The following PCDHGA3 variants were observed in gnomAD, a reference collection of about 807,000 sequenced individuals.
PCDHGA3 encodes the protein protocadherin gamma-A3.
In PCDHGA3, 40 loss-of-function variants were observed where a neutral mutation model predicts 58.5. That is an observed-to-expected ratio of 0.68 (90% CI 0.53 to 0.89). The LOEUF is 0.89. PCDHGA3 is among the 40% of genes least tolerant of loss of function. The probability of loss-of-function intolerance (pLI) is 0.00; values close to 1 mark genes in which losing one functional copy is unlikely to be tolerated. For synonymous variants in PCDHGA3, 530 were observed against 525.7 expected, an observed-to-expected ratio of 1.01 and a Z score of -0.11; for missense variants, 1,223 against 1,195.9, an observed-to-expected ratio of 1.02 and a Z score of -0.33.
intron 1 of PCDHGA3, chr5:141,371,951 C>A: frequency 6.2e-7 from 1 of 1,613,306 alleles, no homozygotes; most frequent in Non-Finnish European, 8.5e-7. Flanking sequence ...CGCAGCGAGC[C>A]TTCGACCACG....
At chr5:141,427,889 G>C in intron 1 of PCDHGA3, 1 of 1,566,516 alleles carries the variant, frequency 6.4e-7, no homozygotes, top group South Asian at 1.1e-5. Flanking sequence ...CCCACGACCA[G>C]GGCTCGCCCG....
At chr5:141,356,510 A>G (rs2149791412) in intron 1 of PCDHGA3, 2 of 1,612,802 alleles carry the variant, frequency 1.2e-6, no homozygotes, top group East Asian at 2.2e-5. Context: ...ACAGAAACTC[A>G]TATTTCACTG....
intron 1 of PCDHGA3, chr5:141,399,510 C>T: frequency 6.2e-7 from 1 of 1,614,040 alleles, no homozygotes; most frequent in Non-Finnish European, 8.5e-7. Context: ...CCGAAAACAA[C>T]CCTCCTGGGG....
chr5:141,354,933 T>A, intron 1 of PCDHGA3: 1 of 419,786 alleles, frequency 2.4e-6, no homozygotes, highest in East Asian at 3.5e-5. Flanking sequence ...AAACTTTTTT[T>A]AACCAAGAAT....
chr5:141,444,897 G>T (rs1445334623), intron 1 of PCDHGA3, among the ~76,000 whole-genome samples: 1 of 152,274 alleles, frequency 6.6e-6, no homozygotes, highest in African/African-American at 2.4e-5. Flanking sequence ...GAATGGGATG[G>T]CATTGCATCT....
At position 141,491,711 on chromosome 5, in the gene PCDHGA3, C is replaced by T. The variant is rs528931820; in HGVS notation, c.2425-3096C>T. 1.5e-5 allele frequency: 24 copies of T among 1,609,240 alleles called. No homozygotes were observed. In the African/African-American group the frequency reaches 1.7e-4, roughly 12 times the overall value. On this transcript the variant is annotated intron_variant, in intron 1 of 3. Transcript: ENST00000253812. This position sits in a 1 kb window ranked among gnomAD's most constrained non-coding sequence, Gnocchi z 6.9. ...CGGGAGCGGAGCCAGGTGAGGGGCT[C>T]GGCGCCGCCCCGGGCGACCCCTGGG... is the stretch of plus-strand genomic sequence containing the variant.
Position 141,352,128 on chromosome 5 carries a change from G to A in PCDHGA3, c.2424+5671G>A, listed in dbSNP as rs369451031. ...CTGGGGTTGCGCACGGGTGAGGTGCGCACAGCGCGTGCCTTGGGCGACAGG... is the reference window on the plus strand; with the variant it reads ...CTGGGGTTGCGCACGGGTGAGGTGCACACAGCGCGTGCCTTGGGCGACAGG... On this transcript the variant is annotated intron_variant, in intron 1 of 3. Transcript: ENST00000253812. The A allele has an allele frequency of 4.3e-5, 69 of 1,610,058 alleles. No homozygotes were observed. The African/African-American group carries it at 7.9e-4, about 18-fold the overall frequency.
At chr5:141,352,195 A>T (rs1010482116) in intron 1 of PCDHGA3, 166 of 1,613,752 alleles carry the variant, frequency 1.0e-4, no homozygotes, top group Non-Finnish European at 1.3e-4. Flanking sequence ...TGCGTGATGG[A>T]GGACAGCCGC....
chr5:141,460,766 A>G (rs1370331016), intron 1 of PCDHGA3, among the ~76,000 whole-genome samples: 1 of 152,056 alleles, frequency 6.6e-6, no homozygotes, highest in Non-Finnish European at 1.5e-5. Flanking sequence ...TACATATTGC[A>G]TATGTATGTA....
At chr5:141,369,894 T>C (rs1766545420) in intron 1 of PCDHGA3, among the ~76,000 whole-genome samples, 1 of 152,332 alleles carries the variant, frequency 6.6e-6, no homozygotes, top group African/African-American at 2.4e-5. Flanking sequence ...GATATTATTA[T>C]GACCATTTTA....
In PCDHGA3 at chr5:141,346,295, C is replaced by A; in HGVS notation, c.2262C>A (p.Ser754=). The change falls in exon 1 of 4, where the codon TCC becomes TCA. Residue 754 remains serine (S), a synonymous_variant. Coordinates refer to ENST00000253812, the MANE Select transcript of PCDHGA3 (RefSeq NM_018916.4). Reference sequence around the variant, plus strand: ...TTCGGGCTTTCCTGCAGACCTATTCCCACGAGGTCTCCCTCACTGCGGACT... The same window carrying A: ...TTCGGGCTTTCCTGCAGACCTATTCACACGAGGTCTCCCTCACTGCGGACT... The part of the protein sequence containing the change: ...DGVRAFLQTY[S]HEVSLTADSR... 6 of 1,614,214 alleles carry A rather than the reference C, an allele frequency of 3.7e-6. No homozygotes were observed. Among genetic ancestry groups the A allele is most frequent in the Non-Finnish European group, 5.1e-6 (6 of 1,180,038 alleles).
At chr5:141,455,959 G>A (rs112864392) in intron 1 of PCDHGA3, among the ~76,000 whole-genome samples, 2 of 150,430 alleles carry the variant, frequency 1.3e-5, no homozygotes. Flanking sequence ...GTGCAGTGGC[G>A]CGATCTCAGC....
At chr5:141,392,577 T>C in intron 1 of PCDHGA3, 1 of 462,996 alleles carries the variant, frequency 2.2e-6, no homozygotes. Context: ...TTTAGGACTG[T>C]AAGCGCCGCT....
chr5:141,375,103 C>G (rs1230243964), intron 1 of PCDHGA3: 1 of 1,613,900 alleles, frequency 6.2e-7, no homozygotes, highest in South Asian at 1.1e-5. Context: ...TCTTGGATGT[C>G]AATGATAATG....
rs774456704 is a variant in PCDHGA3, at chr5:141,390,013, C to T, written c.2424+43556C>T. On this transcript the variant is annotated intron_variant, in intron 1 of 3. Coordinates refer to ENST00000253812, the MANE Select transcript of PCDHGA3 (RefSeq NM_018916.4). ...CTCGTGGCCATGATTCTGGCCATTG[C>T]CTTGCGCCTGCGACGCTCCTCCAGC... 1.3e-4 allele frequency: 202 copies of T among 1,613,936 alleles called. No homozygotes were observed. The highest frequency in any genetic ancestry group is 1.6e-4 in the Non-Finnish European group (192 of 1,179,918).
intron 1 of PCDHGA3, chr5:141,374,270 G>A (rs377535875): frequency 1.2e-6 from 2 of 1,613,872 alleles, no homozygotes; most frequent in African/African-American, 1.3e-5. Context: ...GGCGGAGCAC[G>A]GAGTCCGCAT....
intron 1 of PCDHGA3, chr5:141,365,269 A>T: frequency 6.2e-7 from 1 of 1,614,008 alleles, no homozygotes; most frequent in Non-Finnish European, 8.5e-7. Flanking sequence ...AAGAATCCAG[A>T]TTCTACCTCA....
chr5:141,345,320 C>T lies in PCDHGA3; in HGVS notation c.1287C>T (p.Ser429=). The change falls in exon 1 of 4, where the codon AGC becomes AGT. Residue 429 remains serine (S), a synonymous_variant. Transcript: ENST00000253812. ...NISLRASDGG[S]PPLSTETHIT... ...GTCTGAGAGCCTCAGATGGGGGAAG[C>T]CCGCCACTGTCCACAGAAACTCACA... The T allele has an allele frequency of 6.2e-7, 1 of 1,613,966 alleles. No individual in the cohort carries two copies. Among genetic ancestry groups the T allele is most frequent in the Non-Finnish European group, 8.5e-7 (1 of 1,179,880 alleles).
chr5:141,400,217 T>C (rs771117256), intron 1 of PCDHGA3: 1 of 1,613,916 alleles, frequency 6.2e-7, no homozygotes, highest in Non-Finnish European at 8.5e-7. Flanking sequence ...TTGATCTCAG[T>C]GCTCTTCCTC....
Sources: allele counts gnomAD v4.1 joint callset (sites outside exome capture counted in the v4.1 genomes callset), GRCh38; gene constraint gnomAD v4.1.1; non-coding constraint Gnocchi (gnomAD v3.1); transcripts MANE v1.5; gene names NCBI Gene and HGNC (gene_info 2026-07-23, HGNC 2026-07-21).